Variants in PTPRJ observed in about 807,000 individuals in gnomAD.
The protein encoded by PTPRJ is receptor-type tyrosine-protein phosphatase eta.
Under a neutral mutation model 141.3 loss-of-function variants are expected in PTPRJ, and 129 were observed. The observed-to-expected ratio is 0.91, with a 90% CI of 0.79 to 1.06. The LOEUF (loss-of-function observed/expected upper bound fraction) is 1.06, where lower values mean the gene tolerates loss of function less well. PTPRJ is among the 50% of genes least tolerant of loss of function. The pLI is 0.00. For missense variants in PTPRJ, 1,601 were observed against 1,679.7 expected (o/e 0.95, Z 0.82); for synonymous variants, 610 against 640.5 (o/e 0.95, Z 0.72).
At chr11:48,059,109 CCTTTTTTTTTTT>C (rs1221321847) in intron 1 of PTPRJ, among the ~76,000 whole-genome samples, 34 of 125,916 alleles carry the variant, frequency 2.7e-4, no homozygotes, top group African/African-American at 1.1e-3. Flanking sequence ...CTGTGCTGTG[CCTTTTTTTTTTT>C]TTTTTTTTTT....
intron 9 of PTPRJ, 74 bp downstream of exon 9, chr11:48,136,370 TG>T: frequency 6.5e-7 from 1 of 1,529,256 alleles, no homozygotes. Flanking sequence ...GGTTAAATGA[TG>T]GCCAGTGTGC....
intron 8 of PTPRJ, chr11:48,132,105 G>A (rs1856994807): frequency 1.0e-6 from 1 of 985,038 alleles, no homozygotes; most frequent in South Asian, 4.7e-5. Flanking sequence ...AGAGCAAAAA[G>A]TTTAAGAACC....
chr11:47,994,603 C>T (rs1466700992), intron 1 of PTPRJ, among the ~76,000 whole-genome samples: 5 of 151,998 alleles, frequency 3.3e-5, no homozygotes, highest in Admixed American at 1.3e-4. Context: ...GTCCTGGAGG[C>T]GGAGTGAGCC....
At position 48,086,612 on chromosome 11, in the gene PTPRJ, C is replaced by G. The variant is rs535018850; in HGVS notation, c.97-23446C>G. On this transcript the variant is annotated intron_variant, in intron 1 of 24. Transcript: ENST00000418331. The stretch of plus-strand genomic sequence containing the variant: ...AGCCTGAAGCTTTGTTTCCTTCCTC[C>G]CTAGCCCAGGATGACAGCAGTGACC... Among the ~76,000 whole-genome samples, 3 of 152,336 alleles carry G rather than the reference C, an allele frequency of 2.0e-5. No individual in the cohort carries two copies. In the South Asian group the frequency reaches 6.2e-4, roughly 32 times the overall value.
intron 1 of PTPRJ, among the ~76,000 whole-genome samples, chr11:47,995,701 C>T (rs965887032): frequency 2.0e-5 from 3 of 152,076 alleles, no homozygotes; most frequent in Non-Finnish European, 4.4e-5. Flanking sequence ...TCATAGAGAT[C>T]GAAGTCATGT....
chr11:48,093,662 A>C (rs968663751), intron 1 of PTPRJ, among the ~76,000 whole-genome samples: 4 of 152,170 alleles, frequency 2.6e-5, no homozygotes, highest in Non-Finnish European at 5.9e-5. Flanking sequence ...AAATAGATTG[A>C]TACTCTATAA....
chr11:48,166,138 C>T (rs946332304), intron 24 of PTPRJ, among the ~76,000 whole-genome samples: 8 of 152,104 alleles, frequency 5.3e-5, no homozygotes, highest in African/African-American at 1.9e-4. Context: ...GCTGGGATTA[C>T]AGGTGTGAGC....
intron 1 of PTPRJ, among the ~76,000 whole-genome samples, chr11:48,036,343 T>TA (rs1854122736): frequency 6.6e-6 from 1 of 152,240 alleles, no homozygotes; most frequent in African/African-American, 2.4e-5. Flanking sequence ...AGCTTTGTTT[T>TA]AACTGCAGAG....
At chr11:47,983,326 A>G (rs557561629) in intron 1 of PTPRJ, among the ~76,000 whole-genome samples, 3 of 152,372 alleles carry the variant, frequency 2.0e-5, no homozygotes, top group East Asian at 3.9e-4. Context: ...TGTTTAGGAA[A>G]CAAGTATGTG....
intron 1 of PTPRJ, among the ~76,000 whole-genome samples, chr11:48,051,664 T>C (rs1854573986): frequency 6.6e-6 from 1 of 152,232 alleles, no homozygotes; most frequent in Non-Finnish European, 1.5e-5. Context: ...CTTCCTTTAC[T>C]CTTCACATCA....
chr11:48,137,305 T>C, intron 10 of PTPRJ, 24 bp downstream of exon 10: 2 of 1,604,352 alleles, frequency 1.2e-6, no homozygotes, highest in African/African-American at 1.3e-5. Flanking sequence ...CAACTGCCTC[T>C]TGGACTCCTC....
chr11:48,114,770 A>G (rs1350618110), intron 3 of PTPRJ, among the ~76,000 whole-genome samples: 2 of 152,368 alleles, frequency 1.3e-5, no homozygotes, highest in East Asian at 1.9e-4. Flanking sequence ...TTCAAAATAC[A>G]TGTTTTAAGG....
At chr11:48,040,410 C>T (rs956012682) in intron 1 of PTPRJ, among the ~76,000 whole-genome samples, 1 of 152,160 alleles carries the variant, frequency 6.6e-6, no homozygotes, top group Non-Finnish European at 1.5e-5. Flanking sequence ...ATATGTTTTG[C>T]TCATCTTTGC....
At chr11:48,024,958 T>C (rs753820623) in intron 1 of PTPRJ, among the ~76,000 whole-genome samples, 9 of 152,248 alleles carry the variant, frequency 5.9e-5, no homozygotes, top group Non-Finnish European at 1.3e-4. Flanking sequence ...TAAAGGTATA[T>C]TAAATTTCTT....
chr11:48,119,396 T>A (rs1329343099), intron 3 of PTPRJ, among the ~76,000 whole-genome samples: 1 of 152,124 alleles, frequency 6.6e-6, no homozygotes, highest in Admixed American at 6.6e-5. Context: ...TCTCCTGCCT[T>A]ATTTATTTAT....
intron 2 of PTPRJ, among the ~76,000 whole-genome samples, chr11:48,110,880 A>G (rs1856420307): frequency 1.3e-5 from 2 of 152,242 alleles, no homozygotes; most frequent in Non-Finnish European, 2.9e-5. Context: ...AAAAATAAGG[A>G]TATGACTAGA....
intron 1 of PTPRJ, among the ~76,000 whole-genome samples, chr11:48,040,594 T>TTTC (rs961019771): frequency 6.0e-5 from 9 of 149,972 alleles, no homozygotes; most frequent in South Asian, 4.2e-4. Context: ...TCTTACTTTC[T>TTTC]TTCTTCTTCT....
At position 48,135,154 on chromosome 11, in the gene PTPRJ, A is replaced by G. The variant is rs188972111; in HGVS notation, c.1616-885A>G. ...AAACTGAATGTGATTTCCACTTCAG[A>G]TGACCCCTTGAAGGGCTTTTTTTTT... On this transcript the variant is annotated intron_variant, in intron 8 of 24. Transcript: ENST00000418331. Among the ~76,000 whole-genome samples, 327 of 148,626 alleles carry G rather than the reference A, an allele frequency of 2.2e-3. 1 individual carries two copies. The highest frequency in any genetic ancestry group is 7.7e-3 in the African/African-American group (310 of 40,480).
intron 14 of PTPRJ, among the ~76,000 whole-genome samples, 198 bp downstream of exon 14, chr11:48,145,322 C>T (rs2134370064): frequency 6.6e-6 from 1 of 152,246 alleles, no homozygotes; most frequent in Admixed American, 6.5e-5. Flanking sequence ...AGCCTGGACC[C>T]CACACTCTCC....
Sources: gnomAD v4.1 joint callset for allele counts (sites outside exome capture counted in the v4.1 genomes callset) on GRCh38, gnomAD v4.1.1 for gene constraint, MANE v1.5 for transcripts, NCBI Gene and HGNC (gene_info 2026-07-23, HGNC 2026-07-21) for gene names.